The following PLCL1 variants were observed in gnomAD, a reference collection of about 807,000 sequenced individuals.
The protein encoded by PLCL1 is phospholipase C like 1 (inactive), also known as inactive phospholipase C-like protein 1.
PLCL1 carries 41 observed loss-of-function variants against 84.4 expected under a neutral mutation model. The ratio of observed to expected loss-of-function variants is 0.49; its 90% confidence interval spans 0.38 to 0.63. The LOEUF (loss-of-function observed/expected upper bound fraction) is 0.63, where lower values mean the gene tolerates loss of function less well. PLCL1 is among the 30% of genes least tolerant of loss of function. The probability of loss-of-function intolerance (pLI) is 0.00; values close to 1 mark genes in which losing one functional copy is unlikely to be tolerated. For missense variants in PLCL1, 1,206 were observed against 1,367.8 expected (o/e 0.88, Z 1.87); for synonymous variants, 490 against 488.3 (o/e 1.00, Z -0.05).
At chr2:198,132,537 C>A (rs1694144709) in intron 5 of PLCL1, among the ~76,000 whole-genome samples, 1 of 151,990 alleles carries the variant, frequency 6.6e-6, no homozygotes, top group Non-Finnish European at 1.5e-5. Flanking sequence ...AATGTCCTCT[C>A]CCACTAGATA....
At chr2:198,006,754 G>A (rs542364641) in intron 1 of PLCL1, among the ~76,000 whole-genome samples, 8 of 152,268 alleles carry the variant, frequency 5.3e-5, no homozygotes, top group Non-Finnish European at 1.0e-4. Context: ...TGAGACTAGA[G>A]CATTTTTCTT....
At chr2:198,068,617 C>T (rs1458522095) in intron 1 of PLCL1, among the ~76,000 whole-genome samples, 1 of 152,196 alleles carries the variant, frequency 6.6e-6, no homozygotes, top group African/African-American at 2.4e-5. Context: ...AACAACCACA[C>T]CCTACACACA....
At chr2:197,826,582 C>T (rs1224812857) in intron 1 of PLCL1, among the ~76,000 whole-genome samples, 2 of 152,142 alleles carry the variant, frequency 1.3e-5, no homozygotes, top group African/African-American at 2.4e-5. Flanking sequence ...TCTTTTTACA[C>T]TATAATACAT....
chr2:197,859,123 A>G (rs1687383154), intron 1 of PLCL1, among the ~76,000 whole-genome samples: 1 of 152,142 alleles, frequency 6.6e-6, no homozygotes. Context: ...AGTAGATTCC[A>G]TTGCTTGATA....
At chr2:198,039,501 A>G (rs1051858007) in intron 1 of PLCL1, among the ~76,000 whole-genome samples, 2 of 152,120 alleles carry the variant, frequency 1.3e-5, no homozygotes, top group East Asian at 3.9e-4. Flanking sequence ...TGGTATACCC[A>G]TGTGTATACT....
At chr2:197,996,614 A>T (rs1183756020) in intron 1 of PLCL1, among the ~76,000 whole-genome samples, 1 of 148,748 alleles carries the variant, frequency 6.7e-6, no homozygotes, top group African/African-American at 2.5e-5. Flanking sequence ...TCTATTAATT[A>T]AAAAAAAAAG....
chr2:198,091,778 C>T (rs908958846), intron 3 of PLCL1, among the ~76,000 whole-genome samples: 1 of 151,326 alleles, frequency 6.6e-6, no homozygotes, highest in South Asian at 2.1e-4. Context: ...TAGATCAAAT[C>T]AAGTCACTTT....
chr2:198,043,040 G>T (rs1265604163), intron 1 of PLCL1, among the ~76,000 whole-genome samples: 1 of 152,130 alleles, frequency 6.6e-6, no homozygotes, highest in African/African-American at 2.4e-5. Context: ...TATATTGGCT[G>T]CCCAGATCTG....
At chr2:198,133,895 T>C (rs1273517506) in intron 5 of PLCL1, among the ~76,000 whole-genome samples, 2 of 152,208 alleles carry the variant, frequency 1.3e-5, no homozygotes, top group Non-Finnish European at 2.9e-5. Context: ...TAATATGTAC[T>C]GTATATCAGA....
At chr2:198,118,140 T>C (rs1470605858) in intron 5 of PLCL1, among the ~76,000 whole-genome samples, 1 of 151,982 alleles carries the variant, frequency 6.6e-6, no homozygotes, top group Non-Finnish European at 1.5e-5. Context: ...TTCTCAGCTG[T>C]TCTTATGAAA....
At chr2:197,941,889 T>C (rs1400558490) in intron 1 of PLCL1, among the ~76,000 whole-genome samples, 3 of 152,030 alleles carry the variant, frequency 2.0e-5, no homozygotes, top group Non-Finnish European at 4.4e-5. Flanking sequence ...CCCACAGAGA[T>C]CCCCTGGGGA....
chr2:198,140,421 G>A (rs1481244063), intron 5 of PLCL1, among the ~76,000 whole-genome samples: 1 of 151,974 alleles, frequency 6.6e-6, no homozygotes, highest in Admixed American at 6.6e-5. Context: ...CTAATACAAA[G>A]GTTTTCTGCT....
chr2:197,886,411 C>CAAAAA lies in PLCL1; in HGVS notation c.240+81109_240+81113dup, dbSNP rs61183744. Among the ~76,000 whole-genome samples the CAAAAA allele has an allele frequency of 5.5e-3, 424 of 76,976 alleles. 36 individuals carry two copies. Among genetic ancestry groups the CAAAAA allele is most frequent in the East Asian group, 0.013 (17 of 1,350 alleles). The allele number at this position is 76,976 out of a possible 152,430, so 50.5% of individuals were successfully genotyped here. On this transcript the variant is annotated intron_variant, in intron 1 of 5. Transcript: ENST00000428675. ...TGGGCAACAGAATGAGACTCTGTCT[C>CAAAAA]AAAAAAAAAAAAAAAAAAAAAAAAA...
intron 1 of PLCL1, among the ~76,000 whole-genome samples, chr2:198,080,973 G>A (rs1574296305): frequency 6.6e-6 from 1 of 152,164 alleles, no homozygotes. Flanking sequence ...AGGAGGGAAT[G>A]TCTTGATTTA....
intron 5 of PLCL1, among the ~76,000 whole-genome samples, chr2:198,126,588 T>C (rs750662948): frequency 1.3e-5 from 2 of 152,046 alleles, no homozygotes; most frequent in South Asian, 4.1e-4. Flanking sequence ...TCACATTCAT[T>C]TCACACCATT....
At chr2:197,996,914 A>G (rs890640050) in intron 1 of PLCL1, among the ~76,000 whole-genome samples, 4 of 152,176 alleles carry the variant, frequency 2.6e-5, no homozygotes, top group Non-Finnish European at 5.9e-5. Context: ...GCATTAGCGT[A>G]CCAGGGCTCT....
At chr2:197,985,135 A>G (rs183212938) in intron 1 of PLCL1, among the ~76,000 whole-genome samples, 1 of 152,286 alleles carries the variant, frequency 6.6e-6, no homozygotes, top group African/African-American at 2.4e-5. Context: ...GTGCAAGCGC[A>G]AGGTAGGATC....
At chr2:197,870,307 C>T (rs6753450) in intron 1 of PLCL1, among the ~76,000 whole-genome samples, 76,789 of 151,922 alleles carry the variant, frequency 0.51, 20,129 homozygotes, top group African/African-American at 0.63. Flanking sequence ...AAGGGACACT[C>T]AGGTACATGT....
intron 1 of PLCL1, among the ~76,000 whole-genome samples, chr2:197,938,414 A>G (rs1421153106): frequency 6.6e-6 from 1 of 152,234 alleles, no homozygotes; most frequent in East Asian, 1.9e-4. Flanking sequence ...ACAGAAGCGA[A>G]TATGTAGAAT....
Sources: gnomAD v4.1 joint callset for allele counts (sites outside exome capture counted in the v4.1 genomes callset) on GRCh38, gnomAD v4.1.1 for gene constraint, MANE v1.5 for transcripts, NCBI Gene and HGNC (gene_info 2026-07-23, HGNC 2026-07-21) for gene names.